Variants in ZNF362 observed in about 807,000 individuals in gnomAD.
The protein encoded by ZNF362 is rotund homolog.
In ZNF362, 11 loss-of-function variants were observed where a neutral mutation model predicts 42.9. That is an observed-to-expected ratio of 0.26 (90% CI 0.16 to 0.42). The LOEUF (loss-of-function observed/expected upper bound fraction) is 0.42, where lower values mean the gene tolerates loss of function less well. Among genes scored for constraint, ZNF362 ranks in the 20% least tolerant of loss-of-function variants. The probability of loss-of-function intolerance (pLI) is 1.00; values close to 1 mark genes in which losing one functional copy is unlikely to be tolerated. For synonymous variants in ZNF362, 255 were observed against 257.3 expected (o/e 0.99, Z 0.09); for missense variants, 362 against 576.2 (o/e 0.63, Z 3.81).
the ZNF362 span, among the ~76,000 whole-genome samples, chr1:33,175,216 T>G: frequency 6.6e-6 from 1 of 151,530 alleles, no homozygotes; most frequent in African/African-American, 2.4e-5. Flanking sequence ...ATTTTTTTTT[T>G]TTTTGTATTT....
At chr1:33,261,001 G>T (rs1645824635) in intron 1 of ZNF362, among the ~76,000 whole-genome samples, 1 of 152,234 alleles carries the variant, frequency 6.6e-6, no homozygotes, top group South Asian at 2.1e-4. Context: ...ATCACAGAGG[G>T]CTCGCTTTGT....
intron 1 of ZNF362, among the ~76,000 whole-genome samples, chr1:33,259,075 G>A (rs774878397): frequency 6.6e-6 from 1 of 152,180 alleles, no homozygotes; most frequent in Non-Finnish European, 1.5e-5. Context: ...AGACTGAAAA[G>A]GCTCAGATGT....
At chr1:33,165,801 A>C in the ZNF362 span, 1 of 372,774 alleles carries the variant, frequency 2.7e-6, no homozygotes, top group Admixed American at 4.6e-5. This position sits in a 1 kb window ranked among gnomAD's most constrained non-coding sequence, Gnocchi z 4.0. Flanking sequence ...CTCTTTGGCC[A>C]CCCTAGAGGC....
At chr1:33,193,937 G>A in the ZNF362 span, among the ~76,000 whole-genome samples, 8 of 152,158 alleles carry the variant, frequency 5.3e-5, no homozygotes, top group Non-Finnish European at 8.8e-5. Context: ...TTTCTTGAAG[G>A]GAGATCTTAG....
the ZNF362 span, among the ~76,000 whole-genome samples, chr1:33,172,364 G>T: frequency 6.6e-6 from 1 of 152,140 alleles, no homozygotes; most frequent in South Asian, 2.1e-4. Context: ...AGGTTGGGTA[G>T]GGGCCCACCC....
chr1:33,259,501 C>T (rs1645815575), intron 1 of ZNF362, among the ~76,000 whole-genome samples: 1 of 152,204 alleles, frequency 6.6e-6, no homozygotes, highest in East Asian at 1.9e-4. Context: ...AAATGAGGAG[C>T]CATTCATTCC....
chr1:33,170,499 AC>A, the ZNF362 span, among the ~76,000 whole-genome samples: 1 of 151,746 alleles, frequency 6.6e-6, no homozygotes, highest in Non-Finnish European at 1.5e-5. Flanking sequence ...ACGGCCACAC[AC>A]CCCTGGCCTC....
the ZNF362 span, among the ~76,000 whole-genome samples, chr1:33,238,773 GA>G: frequency 6.6e-6 from 1 of 151,970 alleles, no homozygotes; most frequent in African/African-American, 2.4e-5. Flanking sequence ...AGGAGGAAGA[GA>G]CACCCCCCTG....
At chr1:33,180,773 G>A in the ZNF362 span, among the ~76,000 whole-genome samples, 1 of 152,142 alleles carries the variant, frequency 6.6e-6, no homozygotes, top group African/African-American at 2.4e-5. Context: ...CGGACCAGCC[G>A]GTACTCCAGG....
the ZNF362 span, among the ~76,000 whole-genome samples, chr1:33,155,939 G>A: frequency 5.3e-4 from 81 of 152,294 alleles, no homozygotes; most frequent in Non-Finnish European, 9.3e-4. Flanking sequence ...TCCCATCTCC[G>A]CTGATGATCT....
chr1:33,272,531 C>A (rs1002988961), intron 2 of ZNF362, among the ~76,000 whole-genome samples: 1 of 152,182 alleles, frequency 6.6e-6, no homozygotes, highest in Non-Finnish European at 1.5e-5. Context: ...GACATTTGCT[C>A]CCCTGTAAGG....
At chr1:33,213,051 A>G in the ZNF362 span, among the ~76,000 whole-genome samples, 1 of 152,254 alleles carries the variant, frequency 6.6e-6, no homozygotes, top group African/African-American at 2.4e-5. Context: ...TATATGTGCA[A>G]TAGCATGGCT....
the ZNF362 span, among the ~76,000 whole-genome samples, chr1:33,150,739 G>T: frequency 6.6e-6 from 1 of 152,176 alleles, no homozygotes; most frequent in East Asian, 1.9e-4. Flanking sequence ...GGAGGTGGGA[G>T]TGGGAGGGAG....
chr1:33,275,669 G>A (rs1645938847), intron 2 of ZNF362, among the ~76,000 whole-genome samples: 1 of 152,204 alleles, frequency 6.6e-6, no homozygotes, highest in Non-Finnish European at 1.5e-5. Flanking sequence ...GAAGAGCAGG[G>A]ATCAGGGATG....
At chr1:33,193,064 A>G in the ZNF362 span, among the ~76,000 whole-genome samples, 15 of 150,746 alleles carry the variant, frequency 1.0e-4, no homozygotes, top group African/African-American at 3.4e-4. Flanking sequence ...TTCATTGACT[A>G]TGGGGTACTG....
rs200506599 is a variant in ZNF362 at position 33,276,329 on chromosome 1, C to G, written c.103-19C>G. 4 of 1,544,784 alleles carry G rather than the reference C, an allele frequency of 2.6e-6. No homozygotes were observed. The highest frequency in any genetic ancestry group is 3.9e-5 in the Admixed American group (2 of 50,894). On this transcript the variant is annotated intron_variant, in intron 3 of 8. Transcript: ENST00000539719. ...GGAGGTGGTCCAGACCTCCTCAGCCCGTCCTCTTCTTCCCGCAGCTGGACA... is the reference window on the plus strand; with the variant it reads ...GGAGGTGGTCCAGACCTCCTCAGCCGGTCCTCTTCTTCCCGCAGCTGGACA...
upstream of ZNF362, among the ~76,000 whole-genome samples, chr1:33,253,204 A>G (rs1645770172): frequency 6.8e-6 from 1 of 146,460 alleles, no homozygotes; most frequent in Non-Finnish European, 1.5e-5. Flanking sequence ...TGGTGTGTTC[A>G]GAGACAGGGC....
the ZNF362 span, among the ~76,000 whole-genome samples, chr1:33,178,606 C>T: frequency 6.6e-6 from 1 of 152,194 alleles, no homozygotes; most frequent in East Asian, 1.9e-4. Context: ...AGGTTAATCC[C>T]AGGTCAGCTT....
intron 2 of ZNF362, among the ~76,000 whole-genome samples, chr1:33,272,028 T>A (rs1645908041): frequency 6.6e-6 from 1 of 150,454 alleles, no homozygotes; most frequent in Admixed American, 6.6e-5. Context: ...CCCAGGGAAC[T>A]GAGGCTGGTG....
Sources: allele counts gnomAD v4.1 joint callset (sites outside exome capture counted in the v4.1 genomes callset), GRCh38; gene constraint gnomAD v4.1.1; non-coding constraint Gnocchi (gnomAD v3.1); transcripts MANE v1.5; gene names NCBI Gene and HGNC (gene_info 2026-07-23, HGNC 2026-07-21).